Variants in UMAD1 observed in about 807,000 individuals in gnomAD.
UMAD1 encodes UBAP1-MVB12-associated (UMA) domain containing 1.
A neutral mutation model predicts 6.1 loss-of-function variants in UMAD1; 8 were observed. That is an observed-to-expected ratio of 1.30 (90% CI 0.76 to 2.35). UMAD1 has a LOEUF of 2.35. UMAD1 is among the 30% of genes most tolerant of loss of function. The pLI is 0.00. For synonymous variants in UMAD1, 56 were observed against 31.4 expected (o/e 1.78, Z -2.61); for missense variants, 130 against 78.4 (o/e 1.66, Z -2.49).
intron 1 of UMAD1, among the ~76,000 whole-genome samples, chr7:7,646,219 G>T (rs1785090340): frequency 6.6e-6 from 1 of 152,200 alleles, no homozygotes; most frequent in South Asian, 2.1e-4. Context: ...GAGGAATCAG[G>T]TTACATGGGC....
chr7:7,743,473 A>G (rs1356203490), intron 2 of UMAD1, among the ~76,000 whole-genome samples: 1 of 152,134 alleles, frequency 6.6e-6, no homozygotes, highest in Non-Finnish European at 1.5e-5. Context: ...GTAGTGTTTA[A>G]AGATGTTTTG....
chr7:7,655,837 CTT>C (rs398111013), intron 1 of UMAD1, among the ~76,000 whole-genome samples: 54 of 151,286 alleles, frequency 3.6e-4, no homozygotes, highest in Admixed American at 3.2e-3. Flanking sequence ...CTCTCTCTCT[CTT>C]TGTTTTTGTT....
rs1784451482 is a variant in UMAD1 at position 7,877,735 on chromosome 7, C to G, written c.*197C>G. Reference sequence around the variant, plus strand: ...ACAAATTGAACTTAAGTTCTACTTCCTTTCTCCCATATAATAAATATACAA... The same window carrying G: ...ACAAATTGAACTTAAGTTCTACTTCGTTTCTCCCATATAATAAATATACAA... On this transcript the variant is annotated 3_prime_UTR_variant, in exon 4 of 4. Coordinates refer to ENST00000682710, the MANE Select transcript of UMAD1 (RefSeq NM_001302348.2). 3.7e-6 allele frequency: 2 copies of G among 543,796 alleles called. No homozygotes were observed. Among genetic ancestry groups the G allele is most frequent in the Non-Finnish European group, 6.5e-6 (2 of 307,324 alleles). 33.7% of individuals were successfully genotyped at this position (543,796 alleles called of 1,614,324 possible).
At chr7:7,873,105 A>T (rs1450463580) in intron 3 of UMAD1, among the ~76,000 whole-genome samples, 1 of 152,242 alleles carries the variant, frequency 6.6e-6, no homozygotes, top group Non-Finnish European at 1.5e-5. Flanking sequence ...TGCATTTAAC[A>T]ATCCTATGAA....
intron 1 of UMAD1, among the ~76,000 whole-genome samples, chr7:7,644,891 T>A (rs1407331544): frequency 2.6e-5 from 4 of 152,232 alleles, no homozygotes; most frequent in Non-Finnish European, 2.9e-5. Context: ...CACTGTATCC[T>A]TGGATGTATT....
At chr7:7,834,328 C>G (rs1040141880) in intron 3 of UMAD1, among the ~76,000 whole-genome samples, 1 of 152,092 alleles carries the variant, frequency 6.6e-6, no homozygotes. Context: ...TGGCCTATCC[C>G]TAACATTTCT....
At chr7:7,813,558 A>G (rs553185751) in intron 3 of UMAD1, among the ~76,000 whole-genome samples, 1 of 152,228 alleles carries the variant, frequency 6.6e-6, no homozygotes, top group East Asian at 1.9e-4. Context: ...GGTGTATGCT[A>G]CACGTAAGAG....
chr7:7,802,204 C>T (rs1328866191), intron 3 of UMAD1, among the ~76,000 whole-genome samples: 4 of 152,108 alleles, frequency 2.6e-5, no homozygotes, highest in Non-Finnish European at 5.9e-5. Context: ...ATGGTGAAAC[C>T]CCATCTCTAC....
At chr7:7,816,533 T>C (rs1207888090) in intron 3 of UMAD1, among the ~76,000 whole-genome samples, 2 of 152,236 alleles carry the variant, frequency 1.3e-5, no homozygotes, top group African/African-American at 4.8e-5. Flanking sequence ...CCTTGGGATA[T>C]ATGCCACCAG....
chr7:7,729,694 G>T (rs1265376359), intron 2 of UMAD1, among the ~76,000 whole-genome samples: 1 of 152,108 alleles, frequency 6.6e-6, no homozygotes, highest in Non-Finnish European at 1.5e-5. Context: ...AGGATGCCCT[G>T]GTGAACACGC....
intron 3 of UMAD1, among the ~76,000 whole-genome samples, chr7:7,823,846 T>A (rs1328001840): frequency 6.6e-6 from 1 of 152,108 alleles, no homozygotes; most frequent in Non-Finnish European, 1.5e-5. Context: ...TTCGTAAAGC[T>A]AAGAAGACAC....
At position 7,692,980 on chromosome 7, in the gene UMAD1, T is replaced by C. The variant is rs553468321; in HGVS notation, c.82+19527T>C. On this transcript the variant is annotated intron_variant, in intron 2 of 3. Coordinates refer to ENST00000682710, the MANE Select transcript of UMAD1 (RefSeq NM_001302348.2). ...GTATATTTTATGTGTCTAAAATAGC[T>C]GTAGGAGGAAAAACATTTACCTAAG... 3.9e-5 allele frequency among the ~76,000 whole-genome samples: 6 copies of C among 152,310 alleles called. No homozygotes were observed. The East Asian group carries it at 1.2e-3, about 29-fold the overall frequency.
chr7:7,650,824 A>G (rs1003809236), intron 1 of UMAD1, among the ~76,000 whole-genome samples: 5 of 152,202 alleles, frequency 3.3e-5, no homozygotes, highest in Non-Finnish European at 5.9e-5. Flanking sequence ...ACTCCTTGGC[A>G]TGGCATATAA....
At chr7:7,697,781 G>T (rs555125086) in intron 2 of UMAD1, among the ~76,000 whole-genome samples, 1 of 152,170 alleles carries the variant, frequency 6.6e-6, no homozygotes, top group East Asian at 1.9e-4. Context: ...TTGTCATTAT[G>T]CCTCTTTTCA....
At chr7:7,685,081 G>T (rs1780009292) in intron 2 of UMAD1, among the ~76,000 whole-genome samples, 1 of 152,170 alleles carries the variant, frequency 6.6e-6, no homozygotes, top group African/African-American at 2.4e-5. Context: ...TTATATTAAA[G>T]ATATAGATAA....
intron 2 of UMAD1, among the ~76,000 whole-genome samples, chr7:7,697,955 T>G (rs187821068): frequency 4.6e-5 from 7 of 152,296 alleles, no homozygotes; most frequent in African/African-American, 1.4e-4. Context: ...ATAAAAACTT[T>G]GGGGAGTTGC....
At chr7:7,668,081 T>C (rs1381361356) in intron 1 of UMAD1, among the ~76,000 whole-genome samples, 1 of 151,888 alleles carries the variant, frequency 6.6e-6, no homozygotes, top group Admixed American at 6.6e-5. Flanking sequence ...CACAGCTGGC[T>C]AATTTTTTTT....
chr7:7,701,286 G>C (rs1780457686), intron 2 of UMAD1, among the ~76,000 whole-genome samples: 1 of 152,186 alleles, frequency 6.6e-6, no homozygotes, highest in Admixed American at 6.5e-5. Flanking sequence ...ATTTGTGGCT[G>C]AGAAAGTTAA....
intron 2 of UMAD1, chr7:7,718,428 C>T (rs1274775958): frequency 6.6e-6 from 1 of 152,172 alleles, no homozygotes; most frequent in Non-Finnish European, 1.5e-5. Flanking sequence ...ATAATCTAAA[C>T]TTGACTATGT....
Sources: gnomAD v4.1 joint callset for allele counts (sites outside exome capture counted in the v4.1 genomes callset) on GRCh38, gnomAD v4.1.1 for gene constraint, MANE v1.5 for transcripts, NCBI Gene and HGNC (gene_info 2026-07-23, HGNC 2026-07-21) for gene names.